SCUBE2: variants seen among roughly 807,000 people sequenced by gnomAD.
SCUBE2 encodes signal peptide, CUB domain and EGF like domain containing 2, also known as signal peptide, CUB and EGF-like domain-containing protein 2.
A neutral mutation model predicts 125.9 loss-of-function variants in SCUBE2; 114 were observed. The observed-to-expected ratio is 0.91, with a 90% CI of 0.78 to 1.06. The LOEUF is 1.06. Among genes scored for constraint, SCUBE2 ranks in the 50% least tolerant of loss-of-function variants. The probability of loss-of-function intolerance (pLI) is 0.00; values close to 1 mark genes in which losing one functional copy is unlikely to be tolerated. For missense variants in SCUBE2, 1,255 were observed against 1,301.8 expected, an observed-to-expected ratio of 0.96 and a Z score of 0.55; for synonymous variants, 459 against 492.9, an observed-to-expected ratio of 0.93 and a Z score of 0.91.
chr11:9,052,636 A>C, intron 13 of SCUBE2, 110 bp downstream of exon 13: 1 of 781,624 alleles, frequency 1.3e-6, no homozygotes, highest in African/African-American at 1.7e-5. Context: ...CACAGCATCA[A>C]GGAAATTAAC....
intron 4 of SCUBE2, among the ~76,000 whole-genome samples, chr11:9,073,137 C>T (rs1380922973): frequency 6.6e-6 from 1 of 152,140 alleles, no homozygotes; most frequent in Non-Finnish European, 1.5e-5. Context: ...GGAGAGATGC[C>T]CTGAGATTCG....
At chr11:9,059,539 AC>A (rs1590092893) in intron 8 of SCUBE2, 114 bp from the exon 9 acceptor site, 12 of 1,298,132 alleles carry the variant, frequency 9.2e-6, no homozygotes, top group Non-Finnish European at 1.3e-5. Flanking sequence ...AAAAAGACTC[AC>A]AAAAGCATTT....
chr11:9,056,757 G>C (rs780930873), intron 9 of SCUBE2, among the ~76,000 whole-genome samples: 2 of 152,192 alleles, frequency 1.3e-5, no homozygotes, highest in Non-Finnish European at 2.9e-5. Flanking sequence ...AACTCTGGAG[G>C]ATTTTAACAT....
chr11:9,057,621 C>A (rs969295182), intron 9 of SCUBE2, among the ~76,000 whole-genome samples: 1 of 150,110 alleles, frequency 6.7e-6, no homozygotes, highest in African/African-American at 2.5e-5. Context: ...TGGGTTCAAG[C>A]GATTCTGGTG....
intron 16 of SCUBE2, among the ~76,000 whole-genome samples, chr11:9,036,370 G>A (rs1041784655): frequency 4.6e-5 from 7 of 152,066 alleles, no homozygotes; most frequent in African/African-American, 7.2e-5. Flanking sequence ...GTAAAGCTGG[G>A]CTGAATTCTG....
At chr11:9,082,298 T>A (rs1400963748) in intron 2 of SCUBE2, among the ~76,000 whole-genome samples, 1 of 152,240 alleles carries the variant, frequency 6.6e-6, no homozygotes, top group Non-Finnish European at 1.5e-5. Flanking sequence ...CTTTATATTC[T>A]GTTGATATTG....
chr11:9,042,385 C>T (rs144916451), intron 16 of SCUBE2, among the ~76,000 whole-genome samples: 1 of 152,078 alleles, frequency 6.6e-6, no homozygotes, highest in African/African-American at 2.4e-5. Flanking sequence ...ATTCCCCTGG[C>T]TTTCTGTCCC....
chr11:9,083,820 G>A (rs970526636), intron 2 of SCUBE2, among the ~76,000 whole-genome samples: 1 of 152,160 alleles, frequency 6.6e-6, no homozygotes, highest in African/African-American at 2.4e-5. Context: ...GATTACAGAC[G>A]TGAGCCACTG....
intron 4 of SCUBE2, 75 bp from the exon 5 acceptor site, chr11:9,069,570 T>C (rs2135758934): frequency 6.3e-7 from 1 of 1,587,342 alleles, no homozygotes; most frequent in East Asian, 2.2e-5. Context: ...GGCAAAGGGC[T>C]AAGGGGTGGC....
chr11:9,032,686 T>C (rs1010427739), intron 17 of SCUBE2, among the ~76,000 whole-genome samples: 4 of 152,104 alleles, frequency 2.6e-5, no homozygotes, highest in African/African-American at 7.2e-5. Context: ...TGAGCCGAGA[T>C]TGCACCACAG....
At chr11:9,088,029 C>T (rs1336285129) in intron 2 of SCUBE2, among the ~76,000 whole-genome samples, 1 of 152,216 alleles carries the variant, frequency 6.6e-6, no homozygotes, top group Non-Finnish European at 1.5e-5. Flanking sequence ...ATAAGGATGT[C>T]TATTCAGTGT....
chr11:9,089,740 G>C lies in SCUBE2; in HGVS notation c.223C>G (p.Pro75Ala). 6.2e-7 allele frequency: 1 copy of C among 1,613,900 alleles called. No individual in the cohort carries two copies. The highest frequency in any genetic ancestry group is 1.3e-5 in the African/African-American group (1 of 75,022). ...TGCCTGCCTTCCCCTTGGTAGCCAG[G>C]CTTGCAGGAGCACTTGTAGGAGGTG... ...TPTSYKCSCK[P>A]GYQGEGRQCE... Residue 75 changes from proline to alanine, a missense_variant, in exon 2 of 23, where the codon CCT (proline) becomes GCT (alanine). Physicochemically the swap from Pro to Ala is conservative, Grantham distance 27. Around this residue, in one of 3 missense-constraint regions of SCUBE2, gnomAD observed 362 missense variants for 323.0 expected, o/e 1.12. Coordinates refer to ENST00000649792, the MANE Select transcript of SCUBE2 (RefSeq NM_001367977.2).
At chr11:9,081,317 GC>G (rs1391786435) in intron 2 of SCUBE2, among the ~76,000 whole-genome samples, 11 of 152,076 alleles carry the variant, frequency 7.2e-5, no homozygotes, top group African/African-American at 2.4e-4. Context: ...GAAACTCTGT[GC>G]CCATTTAACA....
chr11:9,032,268 C>T (rs1193893629), intron 17 of SCUBE2, among the ~76,000 whole-genome samples: 1 of 152,070 alleles, frequency 6.6e-6, no homozygotes, highest in East Asian at 1.9e-4. Flanking sequence ...CCATGTGCCA[C>T]CACGCTCAGC....
Position 9,079,388 on chromosome 11 carries a change from A to C in SCUBE2, c.378T>G (p.Cys126Trp). Residue 126 changes from cysteine to tryptophan, a missense_variant, in exon 3 of 23, where the codon TGT becomes TGG. Around this residue, in one of 3 missense-constraint regions of SCUBE2, gnomAD observed 362 missense variants for 323.0 expected, o/e 1.12. Transcript: ENST00000649792. ...ATTTCCAAATGCCTTCCTTACCAAG[A>C]CAATTATGACCGTCATGAGCCAACA... ...GFMLAHDGHN[C>W]LDVDECLENN... 6.2e-7 allele frequency: 1 copy of C among 1,614,080 alleles called. No individual in the cohort carries two copies. The highest frequency in any genetic ancestry group is 8.5e-7 in the Non-Finnish European group (1 of 1,179,974).
At chr11:9,079,031 T>A (rs1202787546) in intron 3 of SCUBE2, among the ~76,000 whole-genome samples, 1 of 150,442 alleles carries the variant, frequency 6.6e-6, no homozygotes, top group Non-Finnish European at 1.5e-5. Context: ...ACAAGGAGTT[T>A]TTCCAAATTC....
chr11:9,039,980 C>T (rs1313974083), intron 16 of SCUBE2, among the ~76,000 whole-genome samples: 4 of 152,212 alleles, frequency 2.6e-5, no homozygotes, highest in Admixed American at 2.6e-4. Context: ...AGGGCGTAAA[C>T]GTGACGCGAG....
chr11:9,030,079 A>C (rs754223693), intron 18 of SCUBE2, 34 bp from the exon 19 acceptor site: 11 of 1,595,256 alleles, frequency 6.9e-6, no homozygotes, highest in Non-Finnish European at 7.7e-6. Flanking sequence ...AGAATGAAAA[A>C]AAGAAAGATT....
intron 16 of SCUBE2, among the ~76,000 whole-genome samples, chr11:9,036,634 G>A (rs563570003): frequency 1.1e-4 from 16 of 152,302 alleles, no homozygotes; most frequent in African/African-American, 1.9e-4. Context: ...TAATCATAAC[G>A]TAGAGTCACA....
Sources: gnomAD v4.1 joint callset for allele counts (sites outside exome capture counted in the v4.1 genomes callset) on GRCh38, gnomAD v4.1.1 for gene constraint, gnomAD v4.1.1 regional missense constraint, MANE v1.5 for transcripts, NCBI Gene and HGNC (gene_info 2026-07-23, HGNC 2026-07-21) for gene names.